Variants in TXNRD2 observed in about 807,000 individuals in gnomAD.
TXNRD2 encodes thioredoxin reductase 2.
TXNRD2 carries 67 observed loss-of-function variants against 70.8 expected under a neutral mutation model. That is an observed-to-expected ratio of 0.95 (90% CI 0.78 to 1.16). TXNRD2 has a LOEUF of 1.16. Ranked by LOEUF, TXNRD2 falls within the 50% of genes most tolerant of loss-of-function variation. The pLI, the probability that TXNRD2 is intolerant of heterozygous loss-of-function variation, is 0.00. For missense variants in TXNRD2, 644 were observed against 719.9 expected, an observed-to-expected ratio of 0.89 and a Z score of 1.21; for synonymous variants, 301 against 295.8, an observed-to-expected ratio of 1.02 and a Z score of -0.18.
intron 11 of TXNRD2, 171 bp downstream of exon 11, chr22:19,895,236 T>G: frequency 6.3e-7 from 1 of 1,595,618 alleles, no homozygotes; most frequent in South Asian, 1.1e-5. Flanking sequence ...CTAGTGTGAG[T>G]GCCGCCCCAC....
At chr22:19,890,023 G>A (rs934798244) in intron 11 of TXNRD2, among the ~76,000 whole-genome samples, 4 of 152,178 alleles carry the variant, frequency 2.6e-5, no homozygotes, top group African/African-American at 9.7e-5. Context: ...CTGTCAGATA[G>A]CTGTGGGCTC....
intron 6 of TXNRD2, 37 bp from the exon 7 acceptor site, chr22:19,915,313 T>G (rs770331115): frequency 3.7e-6 from 6 of 1,601,956 alleles, no homozygotes. Flanking sequence ...GTCAGACAGG[T>G]GCATGGTGAT....
At chr22:19,895,669 A>C in intron 10 of TXNRD2, 88 bp from the exon 11 acceptor site, 1 of 1,488,824 alleles carries the variant, frequency 6.7e-7, no homozygotes, top group East Asian at 2.3e-5. Flanking sequence ...GGCCTCAATG[A>C]AGGGCGGAGA....
chr22:19,884,784 G>A (rs1439883543), intron 11 of TXNRD2, among the ~76,000 whole-genome samples: 1 of 152,170 alleles, frequency 6.6e-6, no homozygotes, highest in Non-Finnish European at 1.5e-5. Context: ...CTCCCCATTA[G>A]GAGAAAGCAA....
chr22:19,941,503 C>G (rs1941712632), intron 1 of TXNRD2, 198 bp downstream of exon 1: 1 of 955,432 alleles, frequency 1.0e-6, no homozygotes, highest in Non-Finnish European at 1.4e-6. Context: ...GCCCCAGTTT[C>G]CCCACCTGGG....
At chr22:19,907,635 G>A (rs1940115712) in intron 8 of TXNRD2, among the ~76,000 whole-genome samples, 1 of 42,952 alleles carries the variant, frequency 2.3e-5, no homozygotes, top group East Asian at 6.1e-4. Flanking sequence ...ACCGCTCTCA[G>A]GAGAGTGTGG....
intron 8 of TXNRD2, among the ~76,000 whole-genome samples, chr22:19,907,153 A>G (rs1940072058): frequency 1.0e-5 from 1 of 100,138 alleles, no homozygotes; most frequent in African/African-American, 4.0e-5. Flanking sequence ...GGTAGCACTG[A>G]CCGCTCTCAG....
intron 8 of TXNRD2, among the ~76,000 whole-genome samples, chr22:19,905,139 G>T (rs533436214): frequency 6.6e-6 from 1 of 152,196 alleles, no homozygotes; most frequent in East Asian, 1.9e-4. Flanking sequence ...TGCATTAACA[G>T]CGCCGGACAA....
intron 11 of TXNRD2, chr22:19,887,286 G>C (rs1463209308): frequency 6.6e-6 from 1 of 152,234 alleles, no homozygotes; most frequent in African/African-American, 2.4e-5. Flanking sequence ...TTCATGAGCA[G>C]TCGTGGGCCA....
At chr22:19,934,478 G>A (rs1342196082) in intron 1 of TXNRD2, among the ~76,000 whole-genome samples, 1 of 151,894 alleles carries the variant, frequency 6.6e-6, no homozygotes, top group African/African-American at 2.4e-5. Context: ...GGGACTGGCT[G>A]GAGCCGTGGC....
At chr22:19,932,160 CAA>C (rs35254160) in intron 1 of TXNRD2, among the ~76,000 whole-genome samples, 23,868 of 80,470 alleles carry the variant, frequency 0.3, 2,328 homozygotes, top group African/African-American at 0.37. Context: ...GACTCCGTCT[CAA>C]AAAAAAAAAA....
chr22:19,915,109 G>T, intron 7 of TXNRD2, 105 bp downstream of exon 7: 2 of 994,768 alleles, frequency 2.0e-6, no homozygotes, highest in Non-Finnish European at 3.1e-6. Flanking sequence ...GGGGGAAAGG[G>T]TGTGCAAGCT....
rs1212092824 is a variant in TXNRD2 at position 19,941,721 on chromosome 22, C to T, written c.83G>A (p.Gly28Asp). ...RTQAVAGGVR[G>D]AARGAAAGQR... Reference sequence around the variant, plus strand: ...CCTACCTGCTGCGCCCCGCGCCGCGCCCCGCACCCCGCCCGCCACGGCCTG... The same window carrying T: ...CCTACCTGCTGCGCCCCGCGCCGCGTCCCGCACCCCGCCCGCCACGGCCTG... Residue 28 changes from glycine (G) to aspartate (D), a missense_variant, in exon 1 of 18, where the codon GGC (glycine) becomes GAC (aspartate). Transcript: ENST00000400521. 2.0e-6 allele frequency: 3 copies of T among 1,486,696 alleles called. No homozygotes were observed. The highest frequency in any genetic ancestry group is 2.2e-5 in the Admixed American group (1 of 44,668). The allele number at this position is 1,486,696 out of a possible 1,614,324, so 92.1% of individuals were successfully genotyped here. A position where few individuals can be genotyped will look rare whatever the true frequency, so the allele number is the denominator to read the frequency against.
At chr22:19,924,831 GGAA>G (rs1427310380) in intron 2 of TXNRD2, among the ~76,000 whole-genome samples, 1 of 152,060 alleles carries the variant, frequency 6.6e-6, no homozygotes, top group African/African-American at 2.4e-5. Flanking sequence ...ACATGTGAGG[GGAA>G]GAAGGAGGGA....
chr22:19,915,366 G>A (rs1262439808), intron 6 of TXNRD2, 90 bp from the exon 7 acceptor site: 25 of 1,364,490 alleles, frequency 1.8e-5, no homozygotes, highest in Non-Finnish European at 2.5e-5. Flanking sequence ...TTGGCCAGCA[G>A]TTCCCACGGC....
Position 19,878,155 on chromosome 22 carries a change from C to T in TXNRD2, c.1380G>A (p.Val460=). ...MVCLREPPQL[V]LGLHFLGPNA... Reference sequence around the variant, plus strand: ...TGGGGCCAAGGAAATGCAGGCCCAGCACCAGCTGTGGGGGCTCCCTCAGGC... The same window carrying T: ...TGGGGCCAAGGAAATGCAGGCCCAGTACCAGCTGTGGGGGCTCCCTCAGGC... The change falls in exon 16 of 18, where the codon GTG becomes GTA. Residue 460 remains valine (V), a synonymous_variant. Transcript: ENST00000400521. 5.0e-6 allele frequency: 8 copies of T among 1,613,332 alleles called. No individual in the cohort carries two copies. Among genetic ancestry groups the T allele is most frequent in the Non-Finnish European group, 6.8e-6 (8 of 1,180,010 alleles).
intron 8 of TXNRD2, among the ~76,000 whole-genome samples, chr22:19,905,817 G>C (rs570523997): frequency 7.2e-5 from 11 of 151,748 alleles, no homozygotes; most frequent in Admixed American, 5.9e-4. Flanking sequence ...TGGGGCCCGG[G>C]CAACCCATCT....
intron 1 of TXNRD2, among the ~76,000 whole-genome samples, chr22:19,934,694 C>T (rs1321927083): frequency 6.6e-6 from 1 of 151,862 alleles, no homozygotes; most frequent in African/African-American, 2.4e-5. Context: ...TCCTGAGTAG[C>T]TGGGACTACA....
At chr22:19,918,112 G>T in intron 5 of TXNRD2, 31 bp downstream of exon 5, 1 of 1,600,924 alleles carries the variant, frequency 6.2e-7, no homozygotes. Context: ...AGGCCCAGAG[G>T]GCGGCCCATT....
Sources: gnomAD v4.1 joint callset for allele counts (sites outside exome capture counted in the v4.1 genomes callset) on GRCh38, gnomAD v4.1.1 for gene constraint, MANE v1.5 for transcripts, NCBI Gene and HGNC (gene_info 2026-07-23, HGNC 2026-07-21) for gene names.